TOP2B: variants seen among roughly 807,000 people sequenced by gnomAD.
The protein encoded by TOP2B is DNA topoisomerase 2-beta.
Under a neutral mutation model 193.5 loss-of-function variants are expected in TOP2B, and 51 were observed. The observed-to-expected ratio is 0.26, with a 90% CI of 0.21 to 0.33. TOP2B has a LOEUF of 0.33. TOP2B is among the 10% of genes least tolerant of loss of function. The pLI is 1.00. For synonymous variants in TOP2B, 634 were observed against 635.7 expected, an observed-to-expected ratio of 1.00 and a Z score of 0.04; for missense variants, 1,378 against 1,909.3, an observed-to-expected ratio of 0.72 and a Z score of 5.19.
chr3:25,640,515 C>A (rs1381170067), intron 4 of TOP2B, among the ~76,000 whole-genome samples: 3 of 151,896 alleles, frequency 2.0e-5, no homozygotes, highest in East Asian at 3.8e-4. Flanking sequence ...AAAATTGATA[C>A]CTCATTGACA....
chr3:25,625,534 T>C (rs535041232), intron 18 of TOP2B, among the ~76,000 whole-genome samples: 1 of 152,060 alleles, frequency 6.6e-6, no homozygotes, highest in South Asian at 2.1e-4. Flanking sequence ...ATGAGGTTTT[T>C]TGTTTGTTTG....
chr3:25,662,574 C>A (rs1703948512), intron 1 of TOP2B, among the ~76,000 whole-genome samples: 2 of 152,162 alleles, frequency 1.3e-5, no homozygotes, highest in South Asian at 4.1e-4. Flanking sequence ...AAGTCAATTT[C>A]AGTTTCAAAT....
intron 1 of TOP2B, among the ~76,000 whole-genome samples, chr3:25,657,141 G>A (rs1393233703): frequency 6.6e-6 from 1 of 152,142 alleles, no homozygotes; most frequent in Non-Finnish European, 1.5e-5. Context: ...AAACACAGGA[G>A]GTTCTCCCCT....
At chr3:25,620,266 G>T (rs1324428141) in intron 22 of TOP2B, among the ~76,000 whole-genome samples, 3 of 151,360 alleles carry the variant, frequency 2.0e-5, no homozygotes, top group Non-Finnish European at 4.4e-5. Context: ...TAATGGTGCT[G>T]ACCCACTCAT....
chr3:25,630,958 T>C lies in TOP2B; in HGVS notation c.1267-19A>G, dbSNP rs1042566978. 1.3e-6 allele frequency: 2 copies of C among 1,567,934 alleles called. No individual in the cohort carries two copies. Among genetic ancestry groups the C allele is most frequent in the African/African-American group, 2.8e-5 (2 of 71,834 alleles). Reference sequence around the variant, plus strand: ...TAGAGGCCTAAAAATAAAAGAATAATGGTATACAAACAAGCTGAAAATTCA... The same window carrying C: ...TAGAGGCCTAAAAATAAAAGAATAACGGTATACAAACAAGCTGAAAATTCA... On this transcript the variant is annotated intron_variant, in intron 10 of 35. Coordinates refer to ENST00000264331, the MANE Select transcript of TOP2B (RefSeq NM_001330700.2).
chr3:25,642,891 A>G (rs1469443474), intron 3 of TOP2B, among the ~76,000 whole-genome samples: 1 of 152,178 alleles, frequency 6.6e-6, no homozygotes, highest in African/African-American at 2.4e-5. Context: ...AGCTGACAAT[A>G]TAAATATTTT....
At chr3:25,654,466 T>C (rs115522341) in intron 1 of TOP2B, among the ~76,000 whole-genome samples, 2,728 of 152,256 alleles carry the variant, frequency 0.018, 88 homozygotes, top group African/African-American at 0.061. Context: ...TCCATTCTCA[T>C]GGATTTAAAA....
chr3:25,609,236 T>C lies in TOP2B; in HGVS notation c.4040A>G (p.Glu1347Gly). 1 of 1,608,124 alleles carries C rather than the reference T, an allele frequency of 6.2e-7. No homozygotes were observed. Among genetic ancestry groups the C allele is most frequent in the Non-Finnish European group, 8.5e-7 (1 of 1,176,790 alleles). The change falls in exon 30 of 36, where the codon GAA (glutamate) becomes GGA (glycine). Residue 1347 changes from glutamate (E) to glycine (G), a missense_variant. Physicochemically the swap from Glu to Gly is moderately conservative, Grantham distance 98. Coordinates refer to ENST00000264331, the MANE Select transcript of TOP2B (RefSeq NM_001330700.2). ...TGGAATAACCACAGGTTCTGTTTCT[T>C]CCAAATCACTTTCTGACTTGGATTC... The part of the protein sequence containing the change: ...DDESKSESDL[E>G]ETEPVVIPRD...
chr3:25,664,186 C>T lies in TOP2B; in HGVS notation c.69+43G>A, dbSNP rs1471683179. The T allele has an allele frequency of 8.5e-6, 13 of 1,537,572 alleles. No homozygotes were observed. The East Asian group carries it at 2.0e-4, about 23-fold the overall frequency. On this transcript the variant is annotated intron_variant, in intron 1 of 35. Coordinates refer to ENST00000264331, the MANE Select transcript of TOP2B (RefSeq NM_001330700.2). Reference sequence around the variant, plus strand: ...TTCGGAATTCCGCCCCCGCCGCGGGCCCGGAACAATGCAGCCGCCCGTCCC... The same window carrying T: ...TTCGGAATTCCGCCCCCGCCGCGGGTCCGGAACAATGCAGCCGCCCGTCCC...
intron 4 of TOP2B, among the ~76,000 whole-genome samples, chr3:25,641,479 A>G (rs1294048287): frequency 6.6e-6 from 1 of 152,110 alleles, no homozygotes; most frequent in Non-Finnish European, 1.5e-5. Context: ...TATGCCTTAT[A>G]TAACTTCTCA....
Position 25,606,049 on chromosome 3 carries a change from C to G in TOP2B, c.4372G>C (p.Glu1458Gln). The G allele has an allele frequency of 6.7e-7, 1 of 1,482,370 alleles. No individual in the cohort carries two copies. The highest frequency in any genetic ancestry group is 9.1e-7 in the Non-Finnish European group (1 of 1,104,032). 91.8% of individuals were successfully genotyped at this position (1,482,370 alleles called of 1,614,324 possible). A position where few individuals can be genotyped will look rare whatever the true frequency, so the allele number is the denominator to read the frequency against. The part of the protein sequence containing the change: ...FSFPSYSQKS[E>Q]DDSAKFDSNE... ...AAAGACTAAATGAACATACCATCTTCTGACTTCTGAGAATATGAAGGAAAT... is the reference window on the plus strand; with the variant it reads ...AAAGACTAAATGAACATACCATCTTGTGACTTCTGAGAATATGAAGGAAAT... Residue 1458 changes from glutamate (E) to glutamine (Q), a missense_variant, in exon 32 of 36, where the codon GAA becomes CAA. Physicochemically the swap from Glu to Gln is conservative, Grantham distance 29. Coordinates refer to ENST00000264331, the MANE Select transcript of TOP2B (RefSeq NM_001330700.2).
intron 3 of TOP2B, among the ~76,000 whole-genome samples, chr3:25,643,283 G>T (rs1007443650): frequency 6.6e-5 from 10 of 152,132 alleles, no homozygotes; most frequent in Non-Finnish European, 1.3e-4. Flanking sequence ...TATTACACTT[G>T]GCTGCCCAAC....
intron 1 of TOP2B, among the ~76,000 whole-genome samples, chr3:25,660,112 A>G (rs1206897960): frequency 6.6e-6 from 1 of 152,222 alleles, no homozygotes; most frequent in Admixed American, 6.5e-5. Context: ...ACTTCGATTC[A>G]GAAAAATTAA....
rs1447664763 is a variant in TOP2B, at chr3:25,599,548, G to GT, written c.4616-20dup. The GT allele has an allele frequency of 1.7e-5, 28 of 1,600,648 alleles. No homozygotes were observed. The highest frequency in any genetic ancestry group is 2.4e-5 in the Non-Finnish European group (28 of 1,173,362). Reference sequence around the variant, plus strand: ...CCTTTACCTTAAAATGATACAAAAGGTTTTTTCTTCCGTGGTTAAGTGCAA... The same window carrying GT: ...CCTTTACCTTAAAATGATACAAAAGGTTTTTTTCTTCCGTGGTTAAGTGCAA... On this transcript the variant is annotated intron_variant, in intron 34 of 35. Coordinates refer to ENST00000264331, the MANE Select transcript of TOP2B (RefSeq NM_001330700.2).
rs17016875 is a variant in TOP2B, at chr3:25,609,321, T to C, written c.3955A>G (p.Thr1319Ala). Residue 1319 changes from threonine (T) to alanine (A), a missense_variant, in exon 30 of 36, where the codon ACA (threonine) becomes GCA (alanine). Coordinates refer to ENST00000264331, the MANE Select transcript of TOP2B (RefSeq NM_001330700.2). ...TTTGCACTAGGTTTACCAGATGATGTAGGTGTTTTTCTCACTCTGGTACCT... is the reference window on the plus strand; with the variant it reads ...TTTGCACTAGGTTTACCAGATGATGCAGGTGTTTTTCTCACTCTGGTACCT... ...EPGTRVRKTP[T>A]SSGKPSAKKV... is the part of the protein sequence containing the mutation. 7.5e-3 allele frequency: 11,990 copies of C among 1,595,676 alleles called. 652 individuals are homozygous for C. In the African/African-American group the frequency reaches 0.13, roughly 17 times the overall value.
At chr3:25,607,599 T>C (rs917583875) in intron 30 of TOP2B, among the ~76,000 whole-genome samples, 5 of 152,194 alleles carry the variant, frequency 3.3e-5, no homozygotes, top group African/African-American at 1.2e-4. Context: ...CATAATACTG[T>C]GCATGTTAGG....
rs373023134 is a variant in TOP2B at position 25,609,463 on chromosome 3, C to T, written c.3931+105G>A. ...AATAAACGTTTATGAAAATTGAAGGCATTATTTCAACTACCAGAAAAAGAG... is the reference window on the plus strand; with the variant it reads ...AATAAACGTTTATGAAAATTGAAGGTATTATTTCAACTACCAGAAAAAGAG... On this transcript the variant is annotated intron_variant, in intron 29 of 35. Coordinates refer to ENST00000264331, the MANE Select transcript of TOP2B (RefSeq NM_001330700.2). 2.0e-5 allele frequency: 29 copies of T among 1,469,094 alleles called. No individual in the cohort carries two copies. The East Asian group carries it at 3.7e-4, about 19-fold the overall frequency. 91.0% of individuals were successfully genotyped at this position (1,469,094 alleles called of 1,614,324 possible). A position where few individuals can be genotyped will look rare whatever the true frequency, so the allele number is the denominator to read the frequency against.
chr3:25,623,262 G>C (rs1452326985), intron 21 of TOP2B, among the ~76,000 whole-genome samples: 1 of 152,054 alleles, frequency 6.6e-6, no homozygotes, highest in African/African-American at 2.4e-5. Context: ...AGGGTTTAGA[G>C]GTTTGAAAAC....
intron 4 of TOP2B, among the ~76,000 whole-genome samples, chr3:25,639,527 C>T (rs965670237): frequency 2.1e-4 from 32 of 152,292 alleles, no homozygotes; most frequent in African/African-American, 6.7e-4. Flanking sequence ...AGGCTGGTCT[C>T]GAACTCCTGA....
Sources: gnomAD v4.1 joint callset for allele counts (sites outside exome capture counted in the v4.1 genomes callset) on GRCh38, gnomAD v4.1.1 for gene constraint, MANE v1.5 for transcripts, NCBI Gene and HGNC (gene_info 2026-07-23, HGNC 2026-07-21) for gene names.